The following ABCD2 variants were observed in gnomAD, a reference collection of about 807,000 sequenced individuals.
ABCD2 encodes the protein ATP-binding cassette sub-family D member 2.
In ABCD2, 36 loss-of-function variants were observed where a neutral mutation model predicts 70.9. The ratio of observed to expected loss-of-function variants is 0.51; its 90% CI spans 0.39 to 0.67. ABCD2 has a LOEUF of 0.67. Ranked by LOEUF, ABCD2 falls within the 30% of genes least tolerant of loss-of-function variation. The probability of loss-of-function intolerance (pLI) is 0.00; values close to 1 mark genes in which losing one functional copy is unlikely to be tolerated. For missense variants in ABCD2, 729 were observed against 890.2 expected (o/e 0.82, Z 2.30); for synonymous variants, 304 against 306.9 (o/e 0.99, Z 0.10).
the ABCD2 span, among the ~76,000 whole-genome samples, chr12:39,536,023 G>A: frequency 2.0e-5 from 3 of 152,098 alleles, no homozygotes; most frequent in East Asian, 1.9e-4. Flanking sequence ...CCTGGCAGGC[G>A]AGGCTGCAGT....
intron 7 of ABCD2, 47 bp downstream of exon 7, chr12:39,586,105 T>C (rs758299071): frequency 6.5e-7 from 1 of 1,542,384 alleles, no homozygotes. Context: ...CAAGCTTACT[T>C]TTTAAAAGTG....
chr12:39,606,023 C>G (rs185684535), intron 3 of ABCD2, among the ~76,000 whole-genome samples: 16 of 152,138 alleles, frequency 1.1e-4, no homozygotes, highest in Middle Eastern at 3.4e-3. Flanking sequence ...TCTGGAAGAA[C>G]CTCTTGAGTT....
rs568385897 is a variant in ABCD2, at chr12:39,603,669, A to G, written c.1500+243T>C. On this transcript the variant is annotated intron_variant, in intron 5 of 9. Coordinates refer to ENST00000308666, the MANE Select transcript of ABCD2 (RefSeq NM_005164.4). ...TCATGAAATTTCCTATTGTTCCCCA[A>G]AATTACCTTGTACACTATAATTTTG... is the stretch of plus-strand genomic sequence containing the variant. Among the ~76,000 whole-genome samples the G allele has an allele frequency of 7.9e-5, 12 of 152,180 alleles. No homozygotes were observed. The South Asian group carries it at 2.1e-3, about 26-fold the overall frequency.
intron 6 of ABCD2, among the ~76,000 whole-genome samples, chr12:39,599,570 C>T (rs1940652243): frequency 6.6e-6 from 1 of 152,180 alleles, no homozygotes; most frequent in African/African-American, 2.4e-5. Context: ...TGCAGTTCTT[C>T]ATTCTCCTAT....
At chr12:39,573,171 T>C (rs748733166) in intron 9 of ABCD2, among the ~76,000 whole-genome samples, 9 of 152,134 alleles carry the variant, frequency 5.9e-5, no homozygotes, top group African/African-American at 1.2e-4. Flanking sequence ...AGTAGGGGAA[T>C]TGTAAAATTA....
At chr12:39,542,883 G>GAA in the ABCD2 span, among the ~76,000 whole-genome samples, 6 of 152,186 alleles carry the variant, frequency 3.9e-5, no homozygotes, top group Non-Finnish European at 4.4e-5. Flanking sequence ...CAGAGAGCAG[G>GAA]AAAAGTTTGA....
At chr12:39,536,320 A>T in the ABCD2 span, among the ~76,000 whole-genome samples, 1 of 152,208 alleles carries the variant, frequency 6.6e-6, no homozygotes, top group Non-Finnish European at 1.5e-5. Context: ...AGACAATTCT[A>T]CCACAGAAAC....
chr12:39,573,136 TATG>T (rs1941470988), intron 9 of ABCD2, among the ~76,000 whole-genome samples: 1 of 152,146 alleles, frequency 6.6e-6, no homozygotes, highest in Admixed American at 6.5e-5. Context: ...GCTCAACTAT[TATG>T]ATGATGATGA....
chr12:39,546,764 T>G (rs965776834), downstream of ABCD2, among the ~76,000 whole-genome samples: 1 of 152,098 alleles, frequency 6.6e-6, no homozygotes, highest in Non-Finnish European at 1.5e-5. Flanking sequence ...AAAAAAAATT[T>G]TAAATGTCCT....
At chr12:39,596,611 C>T (rs930080384) in intron 6 of ABCD2, among the ~76,000 whole-genome samples, 1 of 152,124 alleles carries the variant, frequency 6.6e-6, no homozygotes, top group African/African-American at 2.4e-5. Context: ...GAAGTTTATA[C>T]AAGTTACCTT....
At chr12:39,603,247 T>G (rs1417035530) in intron 5 of ABCD2, among the ~76,000 whole-genome samples, 3 of 152,174 alleles carry the variant, frequency 2.0e-5, no homozygotes, top group Admixed American at 2.0e-4. Flanking sequence ...TAAGCTCAAC[T>G]TGCTATATTA....
At chr12:39,614,564 C>A (rs1472917640) in intron 2 of ABCD2, among the ~76,000 whole-genome samples, 1 of 148,322 alleles carries the variant, frequency 6.7e-6, no homozygotes, top group South Asian at 2.1e-4. Context: ...TTTTTTTTTG[C>A]CTTAAAATAT....
chr12:39,603,648 G>A (rs570633579), intron 5 of ABCD2, among the ~76,000 whole-genome samples: 4 of 152,082 alleles, frequency 2.6e-5, no homozygotes, highest in African/African-American at 9.6e-5. Context: ...AATTTCTCAT[G>A]AAATTTCCTA....
At chr12:39,599,309 A>T (rs1180871685) in intron 6 of ABCD2, among the ~76,000 whole-genome samples, 2 of 152,224 alleles carry the variant, frequency 1.3e-5, no homozygotes, top group Non-Finnish European at 2.9e-5. Context: ...AGAATTCTAT[A>T]ATAGAAAATT....
the ABCD2 span, among the ~76,000 whole-genome samples, chr12:39,541,564 C>T: frequency 1.3e-5 from 2 of 152,064 alleles, no homozygotes; most frequent in Non-Finnish European, 1.5e-5. Context: ...TAGTCTTTCC[C>T]AAGAGTTATG....
intron 6 of ABCD2, among the ~76,000 whole-genome samples, chr12:39,586,903 C>T (rs1316184183): frequency 6.6e-6 from 1 of 152,130 alleles, no homozygotes; most frequent in South Asian, 2.1e-4. Flanking sequence ...TCTTACTAAT[C>T]AGATTGGCAA....
In ABCD2 at chr12:39,553,831, G is replaced by C; in HGVS notation, c.*81C>G. On this transcript the variant is annotated 3_prime_UTR_variant, in exon 10 of 10. Transcript: ENST00000308666. ...TGCTGCCTTTTTTTCTCTGTGCTTA[G>C]CTTAACATACTTCATGCAGTATAAC... 2 of 1,066,270 alleles carry C rather than the reference G, an allele frequency of 1.9e-6. No homozygotes were observed. The highest frequency in any genetic ancestry group is 2.7e-6 in the Non-Finnish European group (2 of 745,644). The allele number at this position is 1,066,270 out of a possible 1,614,324, so 66.1% of individuals were successfully genotyped here. A position where few individuals can be genotyped will look rare whatever the true frequency, so the allele number is the denominator to read the frequency against.
chr12:39,607,744 A>ATTTTT, intron 2 of ABCD2, 30 bp from the exon 3 acceptor site: 7 of 789,144 alleles, frequency 8.9e-6, no homozygotes, highest in Non-Finnish European at 1.1e-5. Context: ...ACAAAACTTG[A>ATTTTT]GTTTTTTTTT....
At chr12:39,579,062 T>C (rs1364394312) in intron 8 of ABCD2, among the ~76,000 whole-genome samples, 1 of 152,152 alleles carries the variant, frequency 6.6e-6, no homozygotes, top group Non-Finnish European at 1.5e-5. Context: ...GAGATTCTAC[T>C]ATAAGAAAAA....
Sources: gnomAD v4.1 joint callset for allele counts (sites outside exome capture counted in the v4.1 genomes callset) on GRCh38, gnomAD v4.1.1 for gene constraint, MANE v1.5 for transcripts, NCBI Gene and HGNC (gene_info 2026-07-23, HGNC 2026-07-21) for gene names.